CDC42SE2: variants seen among roughly 807,000 people sequenced by gnomAD.
CDC42SE2 encodes CDC42 small effector 2.
A neutral mutation model predicts 11.5 loss-of-function variants in CDC42SE2; 3 were observed. The ratio of observed to expected loss-of-function variants is 0.26; its 90% CI spans 0.12 to 0.67. The LOEUF is 0.67. Among genes scored for constraint, CDC42SE2 ranks in the 30% least tolerant of loss-of-function variants. The probability of loss-of-function intolerance (pLI) is 0.80; values close to 1 mark genes in which losing one functional copy is unlikely to be tolerated. For synonymous variants in CDC42SE2, 33 were observed against 34.8 expected (o/e 0.95, Z 0.18); for missense variants, 82 against 106.8 (o/e 0.77, Z 1.02).
chr5:131,231,272 C>G, the CDC42SE2 span, among the ~76,000 whole-genome samples: 2 of 152,104 alleles, frequency 1.3e-5, no homozygotes, highest in Admixed American at 1.3e-4. Context: ...ATTGTATTTT[C>G]ATTCATATTT....
chr5:131,322,024 G>A (rs1369443943), intron 2 of CDC42SE2, among the ~76,000 whole-genome samples: 1 of 151,688 alleles, frequency 6.6e-6, no homozygotes. Context: ...CTAATTTTTT[G>A]TATTTTTAGT....
intron 4 of CDC42SE2, among the ~76,000 whole-genome samples, chr5:131,387,323 T>TG (rs1750516700): frequency 6.6e-6 from 1 of 152,068 alleles, no homozygotes; most frequent in Non-Finnish European, 1.5e-5. Flanking sequence ...CTGAGGCAGG[T>TG]GGATCATCTG....
intron 1 of CDC42SE2, among the ~76,000 whole-genome samples, chr5:131,299,211 G>C (rs1757631733): frequency 6.6e-6 from 1 of 152,158 alleles, no homozygotes; most frequent in Admixed American, 6.6e-5. Flanking sequence ...AGTCATTAAA[G>C]GGGGTTTTAC....
intron 3 of CDC42SE2, among the ~76,000 whole-genome samples, chr5:131,361,438 C>T (rs1424256359): frequency 6.6e-6 from 1 of 152,162 alleles, no homozygotes; most frequent in Admixed American, 6.5e-5. Flanking sequence ...CTTCAGTGCC[C>T]TGCTGCTCAA....
chr5:131,273,704 C>T (rs555591939), intron 1 of CDC42SE2, among the ~76,000 whole-genome samples: 5 of 149,600 alleles, frequency 3.3e-5, no homozygotes, highest in African/African-American at 1.2e-4. Flanking sequence ...ACCCAGGAGG[C>T]GGAGCTTGCA....
chr5:131,278,730 T>TC (rs1439262673), intron 1 of CDC42SE2, among the ~76,000 whole-genome samples: 1 of 1,338 alleles, frequency 7.5e-4, no homozygotes, highest in Non-Finnish European at 1.5e-3. Context: ...CCCTCCCCCC[T>TC]CCCCTCCCCT....
chr5:131,252,826 G>A (rs145661628), intron 1 of CDC42SE2, among the ~76,000 whole-genome samples: 3,233 of 152,166 alleles, frequency 0.021, 55 homozygotes, highest in Admixed American at 0.066. Context: ...ATTCTTCTAC[G>A]CACAGAGAAT....
chr5:131,293,628 T>G (rs1220874016), intron 1 of CDC42SE2, among the ~76,000 whole-genome samples: 2 of 151,808 alleles, frequency 1.3e-5, no homozygotes, highest in African/African-American at 4.8e-5. Context: ...ACCAGTGCCT[T>G]GATCTTGGAC....
At chr5:131,240,532 G>A (rs931453012), upstream of CDC42SE2, among the ~76,000 whole-genome samples, 5 of 152,098 alleles carry the variant, frequency 3.3e-5, no homozygotes, top group African/African-American at 7.2e-5. Flanking sequence ...CAAACGCGTC[G>A]GGGTATATTA....
chr5:131,292,651 C>T (rs938453922), intron 1 of CDC42SE2, among the ~76,000 whole-genome samples: 8 of 151,434 alleles, frequency 5.3e-5, no homozygotes, highest in South Asian at 2.1e-4. Flanking sequence ...GTAATCCCAG[C>T]ACTTTGGGAG....
intron 2 of CDC42SE2, among the ~76,000 whole-genome samples, chr5:131,356,054 T>C (rs1372717310): frequency 6.6e-6 from 1 of 152,218 alleles, no homozygotes; most frequent in African/African-American, 2.4e-5. Context: ...CCAAGTTCCA[T>C]GATGTTCTCT....
At chr5:131,226,342 C>T in the CDC42SE2 span, among the ~76,000 whole-genome samples, 1 of 152,164 alleles carries the variant, frequency 6.6e-6, no homozygotes, top group Non-Finnish European at 1.5e-5. Flanking sequence ...AGAAGTCTGC[C>T]TTTAATTACA....
the CDC42SE2 span, among the ~76,000 whole-genome samples, chr5:131,233,128 CGTATAAGG>C: frequency 6.6e-6 from 1 of 151,904 alleles, no homozygotes; most frequent in Non-Finnish European, 1.5e-5. Flanking sequence ...TTTCCTTTCT[CGTATAAGG>C]GATAGCATAA....
intron 1 of CDC42SE2, among the ~76,000 whole-genome samples, chr5:131,306,296 A>G (rs969733571): frequency 6.6e-6 from 1 of 152,120 alleles, no homozygotes; most frequent in Non-Finnish European, 1.5e-5. Context: ...TCCTATCTGC[A>G]GGGGGTCTTG....
chr5:131,232,683 G>A, the CDC42SE2 span, among the ~76,000 whole-genome samples: 4 of 139,208 alleles, frequency 2.9e-5, no homozygotes, highest in African/African-American at 8.2e-5. Context: ...GCAGTGAGCC[G>A]AGATCATGCC....
chr5:131,378,881 G>A (rs1291314246), intron 3 of CDC42SE2, among the ~76,000 whole-genome samples: 1 of 152,128 alleles, frequency 6.6e-6, no homozygotes, highest in Non-Finnish European at 1.5e-5. Context: ...TAAAAAGAAT[G>A]TATGTTCTAA....
chr5:131,292,914 A>AAAAC, intron 1 of CDC42SE2, among the ~76,000 whole-genome samples: 1 of 145,902 alleles, frequency 6.9e-6, no homozygotes, highest in African/African-American at 2.5e-5. Context: ...CTCAAAAAAA[A>AAAAC]AAAAAAAAAA....
chr5:131,234,003 A>T, the CDC42SE2 span, among the ~76,000 whole-genome samples: 1 of 152,060 alleles, frequency 6.6e-6, no homozygotes, highest in African/African-American at 2.4e-5. Flanking sequence ...CTCTTTCCTT[A>T]CCTGCTCTTA....
At chr5:131,358,784 T>G (rs753324553) in intron 2 of CDC42SE2, among the ~76,000 whole-genome samples, 2 of 152,220 alleles carry the variant, frequency 1.3e-5, no homozygotes, top group Non-Finnish European at 2.9e-5. Context: ...GATTATCTCC[T>G]TAGAATTCAT....
Sources: allele counts gnomAD v4.1 joint callset (sites outside exome capture counted in the v4.1 genomes callset), GRCh38; gene constraint gnomAD v4.1.1; transcripts MANE v1.5; gene names NCBI Gene and HGNC (gene_info 2026-07-23, HGNC 2026-07-21).